The following ZNF569 variants were observed in gnomAD, a reference collection of about 807,000 sequenced individuals.
The protein encoded by ZNF569 is DNA-binding protein.
Under a neutral mutation model 56.3 loss-of-function variants are expected in ZNF569, and 38 were observed. The observed-to-expected ratio is 0.68, with a 90% CI of 0.52 to 0.88. The LOEUF (loss-of-function observed/expected upper bound fraction) is 0.88. ZNF569 is among the 40% of genes least tolerant of loss of function. The pLI is 0.00. For synonymous variants in ZNF569, 241 were observed against 262.9 expected (o/e 0.92, Z 0.81); for missense variants, 666 against 809.2 (o/e 0.82, Z 2.15).
intron 4 of ZNF569, 57 bp downstream of exon 4, chr19:37,426,195 A>G (rs886766875): frequency 5.2e-6 from 8 of 1,541,402 alleles, no homozygotes; most frequent in Middle Eastern, 1.8e-4. Flanking sequence ...AAACACTGGG[A>G]GGAAAAAAAA....
chr19:37,450,275 T>C (rs2146953675), intron 2 of ZNF569, among the ~76,000 whole-genome samples: 1 of 152,354 alleles, frequency 6.6e-6, no homozygotes, highest in South Asian at 2.1e-4. Flanking sequence ...AGCTGTATGG[T>C]CCAGAGCTCT....
chr19:37,445,937 G>GAA (rs71177450), intron 2 of ZNF569, among the ~76,000 whole-genome samples: 7 of 149,334 alleles, frequency 4.7e-5, no homozygotes, highest in African/African-American at 9.8e-5. Flanking sequence ...CACAGAACTA[G>GAA]AAAAAAAAAC....
Position 37,439,076 on chromosome 19 carries a change from TTTTG to T in ZNF569, c.15+5827_15+5830del, listed in dbSNP as rs377375572. Among the ~76,000 whole-genome samples, 1,066 of 152,232 alleles carry T rather than the reference TTTTG, an allele frequency of 7.0e-3. 13 individuals carry two copies. Among genetic ancestry groups the T allele is most frequent in the African/African-American group, 0.024 (994 of 41,530 alleles). Reference sequence around the variant, plus strand: ...ATCTCACCCCAATTAAAATGGTTTTTTTTGTTTGTTTGTGATGGAGTTTCGCTCT... The same window carrying T: ...ATCTCACCCCAATTAAAATGGTTTTTTTTGTTTGTGATGGAGTTTCGCTCT... On this transcript the variant is annotated intron_variant, in intron 3 of 5. Transcript: ENST00000316950.
chr19:37,448,372 ATTCTT>A (rs1010927099), intron 2 of ZNF569, among the ~76,000 whole-genome samples: 1 of 152,086 alleles, frequency 6.6e-6, no homozygotes, highest in African/African-American at 2.4e-5. Context: ...TGTTTGCAGT[ATTCTT>A]TTATTATCCT....
chr19:37,452,058 A>C (rs913471149), intron 2 of ZNF569, among the ~76,000 whole-genome samples: 1 of 151,656 alleles, frequency 6.6e-6, no homozygotes, highest in Non-Finnish European at 1.5e-5. Flanking sequence ...ATATGCTTTG[A>C]CTTCTTTCTC....
rs545559315 is a variant in ZNF569, at chr19:37,448,556, C to CTTT, written c.-43-3595_-43-3593dup. The stretch of plus-strand genomic sequence containing the variant: ...AAATTGTCCTGAATTATGCTGTAAT[C>CTTT]TTTTTTTTTTTTTTTTTTTTTTTTT... On this transcript the variant is annotated intron_variant, in intron 2 of 5. Coordinates refer to ENST00000316950, the MANE Select transcript of ZNF569 (RefSeq NM_152484.3). Among the ~76,000 whole-genome samples the CTTT allele has an allele frequency of 5.8e-3, 419 of 72,546 alleles. 22 individuals are homozygous for CTTT. The highest frequency in any genetic ancestry group is 0.014 in the African/African-American group (223 of 15,774). 47.6% of individuals were successfully genotyped at this position (72,546 alleles called of 152,430 possible).
chr19:37,436,137 G>A (rs997366430), intron 3 of ZNF569, among the ~76,000 whole-genome samples: 9 of 152,002 alleles, frequency 5.9e-5, no homozygotes, highest in Non-Finnish European at 1.3e-4. Flanking sequence ...AATTATATAA[G>A]ATATCTTCTC....
At position 37,413,806 on chromosome 19, in the gene ZNF569, A is replaced by T; in HGVS notation, c.852T>A (p.Asn284Lys). Residue 284 changes from asparagine (N) to lysine (K), a missense_variant, in exon 6 of 6, where the codon AAT becomes AAA. Transcript: ENST00000316950. ...ECEKSFSQKSNLIDHEKIHTG... is the reference protein window; with the variant it reads ...ECEKSFSQKSKLIDHEKIHTG... Reference sequence around the variant, plus strand: ...TATGAATTTTTTCATGATCAATAAGATTTGATTTCTGGCTGAAGGACTTCT... The same window carrying T: ...TATGAATTTTTTCATGATCAATAAGTTTTGATTTCTGGCTGAAGGACTTCT... The T allele has an allele frequency of 6.2e-7, 1 of 1,613,540 alleles. No homozygotes were observed. Among genetic ancestry groups the T allele is most frequent in the Non-Finnish European group, 8.5e-7 (1 of 1,179,902 alleles).
chr19:37,427,791 T>C (rs1302804643), intron 3 of ZNF569: 1 of 516,930 alleles, frequency 1.9e-6, no homozygotes, highest in South Asian at 1.4e-5. Flanking sequence ...ATATTTCCCC[T>C]CATCTGGGAG....
At chr19:37,416,780 T>A (rs2040941274) in intron 5 of ZNF569, among the ~76,000 whole-genome samples, 1 of 152,026 alleles carries the variant, frequency 6.6e-6, no homozygotes, top group African/African-American at 2.4e-5. Flanking sequence ...ACATTTACAA[T>A]GACAACAAAA....
intron 3 of ZNF569, among the ~76,000 whole-genome samples, chr19:37,443,406 T>C (rs1337712191): frequency 6.6e-6 from 1 of 152,142 alleles, no homozygotes; most frequent in Non-Finnish European, 1.5e-5. Context: ...AGCAAAGCTT[T>C]GAGCTGAGGG....
chr19:37,434,557 G>A (rs1359142628), intron 3 of ZNF569, among the ~76,000 whole-genome samples: 1 of 152,266 alleles, frequency 6.6e-6, no homozygotes, highest in East Asian at 1.9e-4. Context: ...GGCGTGGAGT[G>A]GCGCAAGCCT....
At chr19:37,464,609 GTAGCCTGGGAACAA>G (rs1271540361) in intron 2 of ZNF569, among the ~76,000 whole-genome samples, 5 of 152,168 alleles carry the variant, frequency 3.3e-5, no homozygotes, top group Non-Finnish European at 5.9e-5. Flanking sequence ...GTACAGGTTT[GTAGCCTGGGAACAA>G]TAGGCTGTGC....
At chr19:37,435,109 G>A (rs1431321524) in intron 3 of ZNF569, among the ~76,000 whole-genome samples, 6 of 152,076 alleles carry the variant, frequency 3.9e-5, no homozygotes, top group African/African-American at 1.2e-4. Context: ...TGGTGACAGC[G>A]AGACTCCATC....
intron 2 of ZNF569, among the ~76,000 whole-genome samples, chr19:37,449,630 T>C (rs1336328167): frequency 5.3e-5 from 8 of 151,964 alleles, no homozygotes; most frequent in Non-Finnish European, 4.4e-5. Flanking sequence ...CTTTGTCTAA[T>C]ATTAAAGTTG....
rs150159350 is a variant in ZNF569 at position 37,412,854 on chromosome 19, C to T, written c.1804G>A (p.Gly602Ser). Residue 602 changes from glycine (G) to serine (S), a missense_variant, in exon 6 of 6, where the codon GGT (glycine) becomes AGT (serine). Transcript: ENST00000316950. ...SLIVHMRGHT[G>S]EKPYECNKCG... ...TTATTACATTCATAGGGTTTTTCAC[C>T]TGTATGGCCTCTCATGTGCACAATA... The T allele has an allele frequency of 6.2e-7, 1 of 1,613,842 alleles. No homozygotes were observed. The highest frequency in any genetic ancestry group is 1.3e-5 in the African/African-American group (1 of 74,908).
At position 37,419,629 on chromosome 19, in the gene ZNF569, A is replaced by G. The variant is rs572896164; in HGVS notation, c.239-5210T>C. ...ATCCCAGCTACTGGGAGGCTGAGGC[A>G]GGAGAATCGTTTGAACCTGGGAGGT... On this transcript the variant is annotated intron_variant, in intron 5 of 5. Transcript: ENST00000316950. Among the ~76,000 whole-genome samples the G allele has an allele frequency of 3.8e-4, 58 of 152,222 alleles. No homozygotes were observed. In the East Asian group the frequency reaches 8.3e-3, roughly 22 times the overall value.
Position 37,414,440 on chromosome 19 carries a change from A to AT in ZNF569, c.239-22dup, listed in dbSNP as rs1050149799. 5.9e-6 allele frequency: 9 copies of AT among 1,528,652 alleles called. No individual in the cohort carries two copies. In the African/African-American group the frequency reaches 1.1e-4, roughly 19 times the overall value. The allele number at this position is 1,528,652 out of a possible 1,614,324, so 94.7% of individuals were successfully genotyped here. ...TTCTCCTAAAACAGATTGCAAATAAATATCACTTACAAATTTTTTTCCAAT... is the reference window on the plus strand; with the variant it reads ...TTCTCCTAAAACAGATTGCAAATAAATTATCACTTACAAATTTTTTTCCAAT... On this transcript the variant is annotated intron_variant, in intron 5 of 5. Coordinates refer to ENST00000316950, the MANE Select transcript of ZNF569 (RefSeq NM_152484.3).
chr19:37,428,497 T>A (rs1268793847), intron 3 of ZNF569, among the ~76,000 whole-genome samples: 1 of 131,428 alleles, frequency 7.6e-6, no homozygotes, highest in Non-Finnish European at 1.5e-5. Context: ...TAGAGCAGCC[T>A]GGGCAATAGA....
Sources: allele counts gnomAD v4.1 joint callset (sites outside exome capture counted in the v4.1 genomes callset), GRCh38; gene constraint gnomAD v4.1.1; transcripts MANE v1.5; gene names NCBI Gene and HGNC (gene_info 2026-07-23, HGNC 2026-07-21).